Variants in PBX1 observed in about 807,000 individuals in gnomAD.
The protein encoded by PBX1 is PBX homeobox 1, also known as pre-B-cell leukemia transcription factor 1.
A neutral mutation model predicts 53.4 loss-of-function variants in PBX1; 6 were observed. The observed-to-expected ratio is 0.11, with a 90% CI of 0.06 to 0.22. The LOEUF (loss-of-function observed/expected upper bound fraction) is 0.22, where lower values mean the gene tolerates loss of function less well. Among genes scored for constraint, PBX1 ranks in the 10% least tolerant of loss-of-function variants. The probability of loss-of-function intolerance (pLI) is 1.00; values close to 1 mark genes in which losing one functional copy is unlikely to be tolerated. For synonymous variants in PBX1, 204 were observed against 212.3 expected (o/e 0.96, Z 0.34); for missense variants, 251 against 551.4 (o/e 0.46, Z 5.46).
At position 164,775,975 on chromosome 1, in the gene PBX1, G is replaced by T. The variant is rs539053757; in HGVS notation, c.266-16519G>T. Among the ~76,000 whole-genome samples, 9 of 152,238 alleles carry T rather than the reference G, an allele frequency of 5.9e-5. No homozygotes were observed. In the South Asian group the frequency reaches 1.9e-3, roughly 32 times the overall value. ...TATCACAATTGAGGCCATTTGTTGA[G>T]TAAACTTCCTCCACATCTCTGTATA... On this transcript the variant is annotated intron_variant, in intron 2 of 8. Coordinates refer to ENST00000420696, the MANE Select transcript of PBX1 (RefSeq NM_002585.4).
chr1:164,608,078 G>A (rs779912051), intron 2 of PBX1, among the ~76,000 whole-genome samples: 3 of 152,214 alleles, frequency 2.0e-5, no homozygotes, highest in African/African-American at 2.4e-5. Flanking sequence ...AGAGTCTGCA[G>A]AGAAGAGTGC....
At chr1:164,784,355 C>G (rs76550385) in intron 2 of PBX1, among the ~76,000 whole-genome samples, 1,565 of 152,324 alleles carry the variant, frequency 0.01, 26 homozygotes, top group African/African-American at 0.036. Context: ...AGGGGCCTAT[C>G]GCCCAGCACA....
intron 6 of PBX1, chr1:164,816,186 C>T (rs1026644622): frequency 1.3e-5 from 2 of 152,152 alleles, no homozygotes; most frequent in Non-Finnish European, 2.9e-5. Context: ...GAGATACATA[C>T]CTATTGAAGG....
intron 2 of PBX1, among the ~76,000 whole-genome samples, chr1:164,691,826 A>G (rs1662506100): frequency 6.6e-6 from 1 of 152,170 alleles, no homozygotes; most frequent in Non-Finnish European, 1.5e-5. Flanking sequence ...AAATCTGAGA[A>G]TTTTTGAGCA....
intron 2 of PBX1, among the ~76,000 whole-genome samples, chr1:164,691,654 T>A (rs1557945726): frequency 6.6e-6 from 1 of 152,196 alleles, no homozygotes; most frequent in Non-Finnish European, 1.5e-5. Context: ...CCTTGGCTTT[T>A]CTCAAGCGCT....
At chr1:164,735,282 T>C (rs1665205050) in intron 2 of PBX1, among the ~76,000 whole-genome samples, 1 of 152,254 alleles carries the variant, frequency 6.6e-6, no homozygotes, top group South Asian at 2.1e-4. Flanking sequence ...ATAATTTATA[T>C]ATGAGATTAA....
chr1:164,567,572 C>A (rs940527731), intron 2 of PBX1, among the ~76,000 whole-genome samples: 1 of 152,002 alleles, frequency 6.6e-6, no homozygotes, highest in African/African-American at 2.4e-5. Flanking sequence ...TGTGGTTAGA[C>A]CCTATATTAT....
chr1:164,568,655 T>C (rs1285821649), intron 2 of PBX1, among the ~76,000 whole-genome samples: 2 of 152,234 alleles, frequency 1.3e-5, no homozygotes, highest in Non-Finnish European at 2.9e-5. Flanking sequence ...AGGATTCATA[T>C]CTTATTTCAC....
At chr1:164,581,899 G>T (rs930396897) in intron 2 of PBX1, among the ~76,000 whole-genome samples, 2 of 152,086 alleles carry the variant, frequency 1.3e-5, no homozygotes, top group African/African-American at 4.8e-5. Flanking sequence ...CCTTATGGCT[G>T]TGTAAATTTT....
At chr1:164,781,698 T>G (rs1354756783) in intron 2 of PBX1, among the ~76,000 whole-genome samples, 1 of 152,154 alleles carries the variant, frequency 6.6e-6, no homozygotes, top group Non-Finnish European at 1.5e-5. Context: ...CCCTGTTCCC[T>G]CATCCCGGAC....
At chr1:164,870,315 TTCTTTCTTTCTTTCTTTC>T (rs1672342139) in intron 2 of PBX1, among the ~76,000 whole-genome samples, 3 of 96,990 alleles carry the variant, frequency 3.1e-5, no homozygotes, top group Non-Finnish European at 6.3e-5. Context: ...CTTTCTTTCT[TTCTTTCTTTCTTTCTTTC>T]TTTCTTTCTT....
In PBX1 at chr1:164,694,017, C is replaced by T. The variant is rs116739065; in HGVS notation, c.266-98477C>T. Among the ~76,000 whole-genome samples the T allele has an allele frequency of 9.1e-3, 1,381 of 152,210 alleles. 25 individuals are homozygous for T. The highest frequency in any genetic ancestry group is 0.032 in the African/African-American group (1,310 of 41,516). ...ACCTCCATGAAACCTTTAGGATTAT[C>T]TCAGATGTCACAGAACTAGAGAGAC... On this transcript the variant is annotated intron_variant, in intron 2 of 8. Transcript: ENST00000420696.
chr1:164,782,792 A>G (rs530723058), intron 2 of PBX1, among the ~76,000 whole-genome samples: 4 of 152,184 alleles, frequency 2.6e-5, no homozygotes, highest in Non-Finnish European at 5.9e-5. Flanking sequence ...GTAAGACAAC[A>G]TGGAGGTGTG....
At chr1:164,882,116 CT>C (rs879926385) in intron 2 of PBX1, among the ~76,000 whole-genome samples, 1,724 of 144,922 alleles carry the variant, frequency 0.012, 12 homozygotes, top group South Asian at 0.042. Context: ...TAGTCCAACC[CT>C]TTTTTTTTTT....
chr1:164,705,229 C>T (rs989286742), intron 2 of PBX1, among the ~76,000 whole-genome samples: 6 of 151,974 alleles, frequency 3.9e-5, no homozygotes, highest in African/African-American at 1.5e-4. Flanking sequence ...TCCTGGGAGG[C>T]AAAATTATAC....
At chr1:164,671,633 C>T (rs1199774542) in intron 2 of PBX1, among the ~76,000 whole-genome samples, 3 of 152,086 alleles carry the variant, frequency 2.0e-5, no homozygotes, top group Non-Finnish European at 4.4e-5. Context: ...TTGCTCTCTC[C>T]TCCTCATAAG....
chr1:164,699,799 TA>T (rs1223820343), intron 2 of PBX1, among the ~76,000 whole-genome samples: 2 of 152,232 alleles, frequency 1.3e-5, no homozygotes, highest in South Asian at 4.2e-4. Flanking sequence ...TAGAATAATA[TA>T]AAAAAGCCCA....
intron 2 of PBX1, among the ~76,000 whole-genome samples, chr1:164,677,551 G>A (rs192552674): frequency 1.3e-5 from 2 of 152,246 alleles, no homozygotes; most frequent in Admixed American, 6.5e-5. Flanking sequence ...AGATGATAAT[G>A]TTCAATGAAG....
At chr1:164,786,718 T>TGC (rs1553246252) in intron 2 of PBX1, among the ~76,000 whole-genome samples, 21 of 100,052 alleles carry the variant, frequency 2.1e-4, no homozygotes, top group African/African-American at 8.2e-4. Flanking sequence ...TGTGTGTGTG[T>TGC]GTGCGCGCGC....
Sources: gnomAD v4.1 joint callset for allele counts (sites outside exome capture counted in the v4.1 genomes callset) on GRCh38, gnomAD v4.1.1 for gene constraint, MANE v1.5 for transcripts, NCBI Gene and HGNC (gene_info 2026-07-23, HGNC 2026-07-21) for gene names.